DPT: variants seen among roughly 807,000 people sequenced by gnomAD.
The protein encoded by DPT is tyrosine-rich acidic matrix protein.
DPT carries 21 observed loss-of-function variants against 31.2 expected under a neutral mutation model. The ratio of observed to expected loss-of-function variants is 0.67; its 90% CI spans 0.48 to 0.97. The LOEUF is 0.97. DPT is among the 50% of genes least tolerant of loss of function. The probability of loss-of-function intolerance (pLI) is 0.00; values close to 1 mark genes in which losing one functional copy is unlikely to be tolerated. For missense variants in DPT, 262 were observed against 258.8 expected, an observed-to-expected ratio of 1.01 and a Z score of -0.08; for synonymous variants, 91 against 86.9, an observed-to-expected ratio of 1.05 and a Z score of -0.26.
chr1:168,709,428 C>T (rs986211237), intron 2 of DPT, among the ~76,000 whole-genome samples: 3 of 152,186 alleles, frequency 2.0e-5, no homozygotes, highest in African/African-American at 7.2e-5. Context: ...AGACCATTTC[C>T]TAATGGCATG....
chr1:168,726,960 C>CT (rs1224494301), intron 1 of DPT, among the ~76,000 whole-genome samples: 13 of 152,374 alleles, frequency 8.5e-5, no homozygotes, highest in African/African-American at 3.1e-4. Context: ...CTGCTGCTGC[C>CT]TGTGTGAGTC....
At chr1:168,698,477 G>A (rs1649513218) in intron 3 of DPT, among the ~76,000 whole-genome samples, 2 of 152,132 alleles carry the variant, frequency 1.3e-5, no homozygotes, top group Admixed American at 6.5e-5. Context: ...TTATGATCAG[G>A]CATTCAAACT....
intron 1 of DPT, among the ~76,000 whole-genome samples, chr1:168,718,688 C>T (rs1650037898): frequency 6.6e-6 from 1 of 152,126 alleles, no homozygotes; most frequent in African/African-American, 2.4e-5. Flanking sequence ...GGTTTCGTGC[C>T]CTCTAATAGC....
chr1:168,715,990 G>A (rs955148206), intron 1 of DPT, among the ~76,000 whole-genome samples: 2 of 152,192 alleles, frequency 1.3e-5, no homozygotes, highest in African/African-American at 4.8e-5. Flanking sequence ...AATGCATAAA[G>A]TAAGTACCGT....
chr1:168,715,586 T>C (rs1649964854), intron 1 of DPT, among the ~76,000 whole-genome samples: 1 of 137,228 alleles, frequency 7.3e-6, no homozygotes, highest in Non-Finnish European at 1.6e-5. Flanking sequence ...TACTGGAATT[T>C]AAAATAAAAA....
At chr1:168,716,183 G>A (rs1237046062) in intron 1 of DPT, among the ~76,000 whole-genome samples, 1 of 151,936 alleles carries the variant, frequency 6.6e-6, no homozygotes, top group Non-Finnish European at 1.5e-5. Context: ...TTTATTACTT[G>A]TTATTCATTT....
chr1:168,701,581 T>A (rs1339663185), intron 2 of DPT, among the ~76,000 whole-genome samples: 1 of 152,234 alleles, frequency 6.6e-6, no homozygotes, highest in Non-Finnish European at 1.5e-5. Context: ...CGAGTCTATG[T>A]ATGTAAACAT....
chr1:168,716,990 T>C (rs566257700), intron 1 of DPT, among the ~76,000 whole-genome samples: 38 of 152,364 alleles, frequency 2.5e-4, no homozygotes, highest in Non-Finnish European at 5.1e-4. Context: ...GTCTTTGTTA[T>C]TGCAAATAGT....
Position 168,728,980 on chromosome 1 carries a change from C to T in DPT, c.195G>A (p.Lys65=). ...TCCATTGTCTGTCAGAACCTTCCTT[C>T]TTGCTGAAGATGCTCCTCACGGCCA... ...VIVAVRSIFS[K]KEGSDRQWNY... is the part of the protein sequence containing the mutation. Residue 65 remains lysine, a synonymous_variant, in exon 1 of 4, where the codon AAG becomes AAA. Transcript: ENST00000367817. 1 of 1,614,192 alleles carries T rather than the reference C, an allele frequency of 6.2e-7. No homozygotes were observed. The highest frequency in any genetic ancestry group is 8.5e-7 in the Non-Finnish European group (1 of 1,180,042).
chr1:168,723,519 G>A (rs958332752), intron 1 of DPT, among the ~76,000 whole-genome samples: 16 of 152,196 alleles, frequency 1.1e-4, no homozygotes, highest in African/African-American at 3.6e-4. Context: ...TCACCACGTA[G>A]ATCAGGGTTA....
intron 2 of DPT, among the ~76,000 whole-genome samples, chr1:168,705,035 A>C (rs1649688482): frequency 6.6e-6 from 1 of 152,200 alleles, no homozygotes; most frequent in African/African-American, 2.4e-5. Context: ...TCCATTTTAG[A>C]AAGGGAAATA....
At chr1:168,727,416 T>C (rs1650272226) in intron 1 of DPT, among the ~76,000 whole-genome samples, 1 of 152,216 alleles carries the variant, frequency 6.6e-6, no homozygotes, top group African/African-American at 2.4e-5. Context: ...TGTCATTACT[T>C]AAAGGCCCGC....
intron 2 of DPT, among the ~76,000 whole-genome samples, chr1:168,702,630 G>A (rs1395436493): frequency 6.7e-5 from 3 of 44,844 alleles, no homozygotes; most frequent in Non-Finnish European, 1.3e-4. Flanking sequence ...TTTTTTTTTT[G>A]AGACCAAGTC....
chr1:168,714,434 T>C, intron 1 of DPT, 88 bp from the exon 2 acceptor site: 1 of 1,496,754 alleles, frequency 6.7e-7, no homozygotes, highest in Non-Finnish European at 9.2e-7. Context: ...TTACACACTC[T>C]TTCTCTGACC....
At chr1:168,705,372 C>G (rs1408652298) in intron 2 of DPT, among the ~76,000 whole-genome samples, 2 of 152,122 alleles carry the variant, frequency 1.3e-5, no homozygotes, top group Non-Finnish European at 2.9e-5. Context: ...TGCACATGAA[C>G]AGATACAGCT....
rs370816578 is a variant in DPT, at chr1:168,729,113, C to A, written c.62G>T (p.Gly21Val). The A allele has an allele frequency of 5.0e-6, 8 of 1,614,218 alleles. No homozygotes were observed. Among genetic ancestry groups the A allele is most frequent in the Non-Finnish European group, 6.8e-6 (8 of 1,180,038 alleles). The part of the protein sequence containing the change: ...PLVTMAWGQY[G>V]DYGYPYQQYH... ...CTGCTGGTATGGGTATCCATAATCGCCATACTGGCCCCAGGCCATGGTGAC... is the reference window on the plus strand; with the variant it reads ...CTGCTGGTATGGGTATCCATAATCGACATACTGGCCCCAGGCCATGGTGAC... Residue 21 changes from glycine to valine, a missense_variant, in exon 1 of 4, where the codon GGC becomes GTC. Coordinates refer to ENST00000367817, the MANE Select transcript of DPT (RefSeq NM_001937.5).
At chr1:168,717,163 T>G (rs1453493540) in intron 1 of DPT, among the ~76,000 whole-genome samples, 2 of 152,216 alleles carry the variant, frequency 1.3e-5, no homozygotes, top group Non-Finnish European at 1.5e-5. Context: ...TAATTTACAT[T>G]CCGACCAACA....
At chr1:168,717,533 T>A (rs1216877837) in intron 1 of DPT, among the ~76,000 whole-genome samples, 1 of 152,204 alleles carries the variant, frequency 6.6e-6, no homozygotes, top group African/African-American at 2.4e-5. Flanking sequence ...ATAGTTCCTT[T>A]TGGTATGCAC....
chr1:168,713,270 T>G (rs1649905900), intron 2 of DPT, among the ~76,000 whole-genome samples: 1 of 152,220 alleles, frequency 6.6e-6, no homozygotes, highest in Non-Finnish European at 1.5e-5. Context: ...GACAGGTGAC[T>G]TTGAGCTCTG....
Sources: gnomAD v4.1 joint callset for allele counts (sites outside exome capture counted in the v4.1 genomes callset) on GRCh38, gnomAD v4.1.1 for gene constraint, MANE v1.5 for transcripts, NCBI Gene and HGNC (gene_info 2026-07-23, HGNC 2026-07-21) for gene names.